ZDHHC11B: variants seen among roughly 807,000 people sequenced by gnomAD.
The protein encoded by ZDHHC11B is probable palmitoyltransferase ZDHHC11B.
A neutral mutation model predicts 42.3 loss-of-function variants in ZDHHC11B; 17 were observed. The observed-to-expected ratio is 0.40, with a 90% CI of 0.27 to 0.60. The LOEUF (loss-of-function observed/expected upper bound fraction) is 0.60, where lower values mean the gene tolerates loss of function less well. ZDHHC11B is among the 20% of genes least tolerant of loss of function. The pLI is 0.41. For synonymous variants in ZDHHC11B, 123 were observed against 193.5 expected, an observed-to-expected ratio of 0.64 and a Z score of 3.02; for missense variants, 262 against 463.2, an observed-to-expected ratio of 0.57 and a Z score of 3.99.
In ZDHHC11B at chr5:766,702, T is replaced by C. The variant is rs766562862; in HGVS notation, c.218A>G (p.Tyr73Cys). The C allele has an allele frequency of 3.1e-6, 5 of 1,607,578 alleles. No individual in the cohort carries two copies. Among genetic ancestry groups the C allele is most frequent in the Non-Finnish European group, 3.4e-6 (4 of 1,176,506 alleles). The stretch of plus-strand genomic sequence containing the variant: ...ATGCCACGATGAAAAGGATACCACA[T>C]AGGCGATGTATTTCCACGAGTGAGG... ...LLPHSWKYIA[Y>C]VVTGGIFSFH... The change falls in exon 4 of 14, where the codon TAT becomes TGT. Residue 73 changes from tyrosine to cysteine, a missense_variant. Transcript: ENST00000508859.
chr5:763,330 C>T (rs1223021527), intron 4 of ZDHHC11B, among the ~76,000 whole-genome samples: 1 of 149,722 alleles, frequency 6.7e-6, no homozygotes, highest in Non-Finnish European at 1.5e-5. Context: ...GATCACACCA[C>T]TGCACTCCAG....
intron 6 of ZDHHC11B, among the ~76,000 whole-genome samples, chr5:754,187 G>A (rs201046868): frequency 0.16 from 4,673 of 29,750 alleles, 3 homozygotes; most frequent in Middle Eastern, 0.3. Flanking sequence ...AACATCTCTC[G>A]TCTATGAGCC....
intron 13 of ZDHHC11B, among the ~76,000 whole-genome samples, chr5:713,772 CCT>C (rs1424657051): frequency 9.2e-5 from 14 of 152,086 alleles, no homozygotes; most frequent in South Asian, 2.1e-4. Flanking sequence ...ACTGATCCCC[CCT>C]GATTCCTTTG....
rs114861049 is a variant in ZDHHC11B at position 710,414 on chromosome 5, T to C, written c.*1876A>G. 4,432 of 153,670 alleles carry C rather than the reference T, an allele frequency of 0.029. 247 individuals are homozygous for C. Among genetic ancestry groups the C allele is most frequent in the African/African-American group, 0.1 (4,202 of 41,258 alleles). The allele number at this position is 153,670 out of a possible 1,614,324, so 9.5% of individuals were successfully genotyped here. ...TGATTATCTTTTAAAATATGACTACTAAACAGACTAAAACGCAGAGTTCAT... is the reference window on the plus strand; with the variant it reads ...TGATTATCTTTTAAAATATGACTACCAAACAGACTAAAACGCAGAGTTCAT... On this transcript the variant is annotated 3_prime_UTR_variant, in exon 14 of 14. Transcript: ENST00000508859.
intron 1 of ZDHHC11B, among the ~76,000 whole-genome samples, chr5:777,941 G>T (rs1172722420): frequency 2.0e-5 from 3 of 151,812 alleles, no homozygotes; most frequent in African/African-American, 4.8e-5. Context: ...TCGGCATGGC[G>T]GTCGGCGGGT....
At chr5:777,825 C>G (rs1361617885) in intron 1 of ZDHHC11B, among the ~76,000 whole-genome samples, 1 of 151,982 alleles carries the variant, frequency 6.6e-6, no homozygotes, top group East Asian at 1.9e-4. Context: ...GCCACGCGCC[C>G]GCACTCCTCA....
chr5:743,247 T>C (rs1319157566), intron 9 of ZDHHC11B, among the ~76,000 whole-genome samples: 1 of 149,582 alleles, frequency 6.7e-6, no homozygotes, highest in South Asian at 2.2e-4. Context: ...GCCACACTGT[T>C]TTTATTACTG....
intron 4 of ZDHHC11B, among the ~76,000 whole-genome samples, chr5:758,135 A>T (rs964051119): frequency 4.0e-5 from 6 of 151,764 alleles, no homozygotes. Context: ...TGCACTATTT[A>T]TGTGGTCACC....
At chr5:748,662 G>T in intron 7 of ZDHHC11B, 103 bp from the exon 8 acceptor site, 1 of 1,196,952 alleles carries the variant, frequency 8.4e-7, no homozygotes, top group Non-Finnish European at 1.1e-6. Flanking sequence ...GCGGCGTGGA[G>T]ACAGCCAGCA....
chr5:743,789 A>T (rs537373502), intron 9 of ZDHHC11B, among the ~76,000 whole-genome samples: 14 of 150,026 alleles, frequency 9.3e-5, no homozygotes, highest in South Asian at 6.6e-4. Flanking sequence ...GTCTTAAAAC[A>T]TACTTTTTAG....
At chr5:763,881 G>A (rs771938237) in intron 4 of ZDHHC11B, among the ~76,000 whole-genome samples, 12 of 151,964 alleles carry the variant, frequency 7.9e-5, no homozygotes, top group East Asian at 3.9e-4. Context: ...AAGGTTACTC[G>A]GATACACATG....
At chr5:714,053 T>G (rs1296902958) in intron 13 of ZDHHC11B, among the ~76,000 whole-genome samples, 1 of 135,162 alleles carries the variant, frequency 7.4e-6, no homozygotes, top group Non-Finnish European at 1.7e-5. Context: ...TTATGTCTCC[T>G]CAGTTCATTA....
At position 730,207 on chromosome 5, in the gene ZDHHC11B, G is replaced by A. The variant is rs192777356; in HGVS notation, c.1058+227C>T. On this transcript the variant is annotated intron_variant, in intron 12 of 13. Coordinates refer to ENST00000508859, the MANE Select transcript of ZDHHC11B (RefSeq NM_001351303.2). ...AATAACTACGCTTGGCCTTATTTTT[G>A]TGCGTAAGTTCAAATGTTAGTTATA... 1.2e-3 allele frequency among the ~76,000 whole-genome samples: 180 copies of A among 151,884 alleles called. No individual in the cohort carries two copies. In the East Asian group the frequency reaches 0.031, roughly 26 times the overall value.
chr5:746,029 T>G (rs1457100268), intron 8 of ZDHHC11B, among the ~76,000 whole-genome samples: 2 of 149,860 alleles, frequency 1.3e-5, no homozygotes, highest in Non-Finnish European at 3.0e-5. Flanking sequence ...ACCTGGCCTG[T>G]CCTGCAGGCA....
chr5:777,060 C>A (rs929784557), intron 1 of ZDHHC11B, among the ~76,000 whole-genome samples: 1 of 151,904 alleles, frequency 6.6e-6, no homozygotes, highest in African/African-American at 2.4e-5. Context: ...ATTGGTCTCG[C>A]TGACGTCAGG....
intron 4 of ZDHHC11B, among the ~76,000 whole-genome samples, chr5:760,678 C>T (rs531623170): frequency 2.2e-4 from 34 of 151,940 alleles, no homozygotes; most frequent in Non-Finnish European, 4.3e-4. Flanking sequence ...CTGGGCCCTG[C>T]GGTGGAATCG....
intron 10 of ZDHHC11B, among the ~76,000 whole-genome samples, chr5:737,262 G>A (rs1322080521): frequency 6.8e-6 from 1 of 147,732 alleles, no homozygotes; most frequent in Non-Finnish European, 1.5e-5. Flanking sequence ...GATTAAATCA[G>A]GAAGAAATAG....
chr5:732,944 C>A (rs1281877843), intron 11 of ZDHHC11B, among the ~76,000 whole-genome samples: 9 of 151,758 alleles, frequency 5.9e-5, no homozygotes, highest in African/African-American at 1.7e-4. Context: ...GTACTTTCGG[C>A]TATTCGGGAG....
At chr5:730,393 T>TAGAG in intron 12 of ZDHHC11B, 41 bp downstream of exon 12, 1 of 1,571,228 alleles carries the variant, frequency 6.4e-7, no homozygotes, top group Non-Finnish European at 8.6e-7. Flanking sequence ...CAGGCAAGTG[T>TAGAG]ACAGACAGAT....
Sources: allele counts gnomAD v4.1 joint callset (sites outside exome capture counted in the v4.1 genomes callset), GRCh38; gene constraint gnomAD v4.1.1; transcripts MANE v1.5; gene names NCBI Gene and HGNC (gene_info 2026-07-23, HGNC 2026-07-21).